OPCML: variants seen among roughly 807,000 people sequenced by gnomAD.
OPCML encodes opioid binding protein/cell adhesion molecule like.
A neutral mutation model predicts 37.8 loss-of-function variants in OPCML; 13 were observed. The observed-to-expected ratio is 0.34, with a 90% CI of 0.22 to 0.55. The LOEUF is 0.55. Ranked by LOEUF, OPCML falls within the 20% of genes least tolerant of loss-of-function variation. The pLI is 0.91. For missense variants in OPCML, 341 were observed against 435.6 expected, an observed-to-expected ratio of 0.78 and a Z score of 1.93; for synonymous variants, 176 against 168.8, an observed-to-expected ratio of 1.04 and a Z score of -0.33.
intron 1 of OPCML, among the ~76,000 whole-genome samples, chr11:133,161,950 CACA>C (rs1447242808): frequency 6.9e-6 from 1 of 145,904 alleles, no homozygotes; most frequent in African/African-American, 2.5e-5. Flanking sequence ...CAGGGATAAC[CACA>C]ACAAGTAACA....
chr11:132,746,438 C>A (rs546185177), intron 2 of OPCML, among the ~76,000 whole-genome samples: 2 of 152,088 alleles, frequency 1.3e-5, no homozygotes, highest in Non-Finnish European at 2.9e-5. Flanking sequence ...CTCTCATCGG[C>A]GTTTATACCC....
At chr11:132,948,179 C>CTT (rs1945786440) in intron 1 of OPCML, among the ~76,000 whole-genome samples, 1 of 152,184 alleles carries the variant, frequency 6.6e-6, no homozygotes, top group East Asian at 1.9e-4. Flanking sequence ...GACACAGAGA[C>CTT]GACTGCCTTG....
At chr11:133,475,210 GGTTT>G (rs1947212789) in intron 1 of OPCML, among the ~76,000 whole-genome samples, 1 of 128,010 alleles carries the variant, frequency 7.8e-6, no homozygotes. Context: ...TTGTTTTTGT[GGTTT>G]TTTTTTGTTG....
chr11:133,108,275 T>G (rs1257335255), intron 1 of OPCML, among the ~76,000 whole-genome samples: 6 of 152,214 alleles, frequency 3.9e-5, no homozygotes, highest in Non-Finnish European at 8.8e-5. Context: ...TTTTCAGTCT[T>G]AGTCCTTAGA....
intron 1 of OPCML, among the ~76,000 whole-genome samples, chr11:133,086,090 A>G (rs1591988677): frequency 6.6e-6 from 1 of 152,240 alleles, no homozygotes; most frequent in African/African-American, 2.4e-5. Flanking sequence ...CCTTTTAATC[A>G]TATATTTCAA....
chr11:133,242,806 C>T (rs1940778109), intron 1 of OPCML, among the ~76,000 whole-genome samples: 1 of 152,144 alleles, frequency 6.6e-6, no homozygotes, highest in African/African-American at 2.4e-5. Flanking sequence ...CTGAGATAAA[C>T]ACTAGCCGAG....
intron 1 of OPCML, among the ~76,000 whole-genome samples, chr11:133,233,448 G>A (rs2136392607): frequency 6.6e-6 from 1 of 152,300 alleles, no homozygotes; most frequent in East Asian, 1.9e-4. Flanking sequence ...ACTGGGGATG[G>A]AGAGTCAATG....
intron 1 of OPCML, among the ~76,000 whole-genome samples, chr11:133,425,416 G>T (rs2136904207): frequency 6.6e-6 from 1 of 152,308 alleles, no homozygotes; most frequent in African/African-American, 2.4e-5. Flanking sequence ...TGTGAAACAT[G>T]GCAGCTTTTG....
At chr11:132,645,512 A>G (rs1941102958) in intron 3 of OPCML, among the ~76,000 whole-genome samples, 1 of 152,222 alleles carries the variant, frequency 6.6e-6, no homozygotes, top group African/African-American at 2.4e-5. Flanking sequence ...TCAGATTGCT[A>G]TCCCTAAGCT....
At chr11:133,101,741 T>G (rs76059408) in intron 1 of OPCML, among the ~76,000 whole-genome samples, 2 of 152,316 alleles carry the variant, frequency 1.3e-5, no homozygotes, top group East Asian at 1.9e-4. Flanking sequence ...AATTGAAAAC[T>G]TATGCCCATA....
chr11:132,750,685 T>C (rs1050792596), intron 2 of OPCML, among the ~76,000 whole-genome samples: 1 of 152,176 alleles, frequency 6.6e-6, no homozygotes, highest in Non-Finnish European at 1.5e-5. Flanking sequence ...CCACGTACGA[T>C]ATTTTAATGA....
chr11:132,890,166 G>T (rs193160850), intron 2 of OPCML, among the ~76,000 whole-genome samples: 100 of 152,156 alleles, frequency 6.6e-4, no homozygotes, highest in African/African-American at 2.2e-3. Context: ...TATTTTCAGG[G>T]AATTCTGATG....
At chr11:132,911,701 G>C (rs138615259) in intron 2 of OPCML, among the ~76,000 whole-genome samples, 1 of 152,136 alleles carries the variant, frequency 6.6e-6, no homozygotes. Context: ...TTAGCACAAG[G>C]CCACCCAAAG....
chr11:133,419,354 T>G, intron 1 of OPCML: 1 of 985,392 alleles, frequency 1.0e-6, no homozygotes, highest in Non-Finnish European at 1.2e-6. Context: ...GATAGTGATG[T>G]GCTGGAGTCA....
intron 1 of OPCML, among the ~76,000 whole-genome samples, chr11:133,316,662 T>C (rs1943211882): frequency 6.6e-6 from 1 of 152,202 alleles, no homozygotes; most frequent in Admixed American, 6.5e-5. Context: ...AATTAGAAAC[T>C]ATGTTTATGA....
At chr11:132,436,323 C>A (rs1490563207) in intron 6 of OPCML, 86 bp from the exon 7 acceptor site, 4 of 1,605,522 alleles carry the variant, frequency 2.5e-6, no homozygotes, top group Non-Finnish European at 3.4e-6. Flanking sequence ...TAATCTCGTC[C>A]TTCAAACTCA....
chr11:132,707,609 G>C (rs11819972), intron 2 of OPCML, among the ~76,000 whole-genome samples: 1 of 152,084 alleles, frequency 6.6e-6, no homozygotes, highest in Non-Finnish European at 1.5e-5. Context: ...TGGTTCAAAG[G>C]GGCATTGTTT....
At position 133,503,554 on chromosome 11, in the gene OPCML, A is replaced by C. The variant is rs1947962164; in HGVS notation, c.61+28710T>G. 2.0e-5 allele frequency among the ~76,000 whole-genome samples: 3 copies of C among 152,304 alleles called. No individual in the cohort carries two copies. In the South Asian group the frequency reaches 6.2e-4, roughly 32 times the overall value. ...CACCTTATTAAAAGTGAAATATATG[A>C]TACTGTCCACTTATTGCTGCTTTAT... is the stretch of plus-strand genomic sequence containing the variant. On this transcript the variant is annotated intron_variant, in intron 1 of 7. Transcript: ENST00000524381.
At chr11:133,346,624 CA>C (rs879375681) in intron 1 of OPCML, among the ~76,000 whole-genome samples, 2 of 152,200 alleles carry the variant, frequency 1.3e-5, no homozygotes, top group Non-Finnish European at 2.9e-5. Context: ...ATTAGACAGG[CA>C]CTTGAAGCAT....
Sources: gnomAD v4.1 joint callset for allele counts (sites outside exome capture counted in the v4.1 genomes callset) on GRCh38, gnomAD v4.1.1 for gene constraint, MANE v1.5 for transcripts, NCBI Gene and HGNC (gene_info 2026-07-23, HGNC 2026-07-21) for gene names.